MAP2K5: variants seen among roughly 807,000 people sequenced by gnomAD.
The protein encoded by MAP2K5 is mitogen-activated protein kinase kinase 5.
A neutral mutation model predicts 83.1 loss-of-function variants in MAP2K5; 49 were observed. The observed-to-expected ratio is 0.59, with a 90% confidence interval of 0.47 to 0.75. The LOEUF is 0.75. Among genes scored for constraint, MAP2K5 ranks in the 30% least tolerant of loss-of-function variants. The pLI, the probability that MAP2K5 is intolerant of heterozygous loss-of-function variation, is 0.00. For synonymous variants in MAP2K5, 202 were observed against 191.8 expected, an observed-to-expected ratio of 1.05 and a Z score of -0.44; for missense variants, 457 against 557.5, an observed-to-expected ratio of 0.82 and a Z score of 1.82.
In MAP2K5 at chr15:67,738,725, T is replaced by G. The variant is rs1000538493; in HGVS notation, c.1075-9506T>G. On this transcript the variant is annotated intron_variant, in intron 17 of 21. Transcript: ENST00000178640. This position sits in a 1 kb window ranked among gnomAD's most constrained non-coding sequence, Gnocchi z 4.1. Reference sequence around the variant, plus strand: ...CACACAACCACACGAGCAGCTCTGCTTCTATCTGGTAATTTTTAAATGCAT... The same window carrying G: ...CACACAACCACACGAGCAGCTCTGCGTCTATCTGGTAATTTTTAAATGCAT... 6.6e-6 allele frequency among the ~76,000 whole-genome samples: 1 copy of G among 152,196 alleles called. No individual in the cohort carries two copies. Among genetic ancestry groups the G allele is most frequent in the Non-Finnish European group, 1.5e-5 (1 of 68,020 alleles).
intron 16 of MAP2K5, among the ~76,000 whole-genome samples, chr15:67,712,184 C>G (rs2088706929): frequency 6.6e-6 from 1 of 152,182 alleles, no homozygotes; most frequent in South Asian, 2.1e-4. Context: ...CTAGGACACT[C>G]GTGATTACTT....
intron 8 of MAP2K5, among the ~76,000 whole-genome samples, chr15:67,609,523 CTG>C (rs1178552842): frequency 0.069 from 8,226 of 118,494 alleles, 2,699 homozygotes; most frequent in Non-Finnish European, 0.093. Flanking sequence ...TTCTATAGGT[CTG>C]TAGATTCTGT....
Position 67,586,931 on chromosome 15 carries a change from A to G in MAP2K5, c.431+18A>G. On this transcript the variant is annotated intron_variant, in intron 6 of 21. Coordinates refer to ENST00000178640, the MANE Select transcript of MAP2K5 (RefSeq NM_145160.3). Reference sequence around the variant, plus strand: ...AGCAATAGGTGCGAGCGAGCAAGTAAAGTGTGCCCTTGATGTGATTTATCT... The same window carrying G: ...AGCAATAGGTGCGAGCGAGCAAGTAGAGTGTGCCCTTGATGTGATTTATCT... 3 of 1,613,798 alleles carry G rather than the reference A, an allele frequency of 1.9e-6. No homozygotes were observed. The highest frequency in any genetic ancestry group is 2.5e-6 in the Non-Finnish European group (3 of 1,179,696).
In MAP2K5 at chr15:67,628,083, G is replaced by A. The variant is rs2086368299; in HGVS notation, c.546-2805G>A. 4 of 750,716 alleles carry A rather than the reference G, an allele frequency of 5.3e-6. No individual in the cohort carries two copies. In the South Asian group the frequency reaches 5.4e-5, roughly 10 times the overall value. The allele number at this position is 750,716 out of a possible 1,614,324, so 46.5% of individuals were successfully genotyped here. ...AGCCATGAATGCAAGGCCACGCAAG[G>A]TGGACGGAAGAGCTGTGGGAACAAA... On this transcript the variant is annotated intron_variant, in intron 8 of 21. Coordinates refer to ENST00000178640, the MANE Select transcript of MAP2K5 (RefSeq NM_145160.3).
chr15:67,620,610 A>G (rs2086159551), intron 8 of MAP2K5, among the ~76,000 whole-genome samples: 1 of 152,226 alleles, frequency 6.6e-6, no homozygotes, highest in South Asian at 2.1e-4. Context: ...AATGGTGACC[A>G]TTTAAGTAAA....
At chr15:67,546,550 C>G (rs1369676951) in intron 1 of MAP2K5, 1 of 983,162 alleles carries the variant, frequency 1.0e-6, no homozygotes, top group Non-Finnish European at 1.2e-6. Context: ...TCATCAGGGA[C>G]TGGCTGAACT....
Position 67,631,811 on chromosome 15 carries a change from T to C in MAP2K5, c.585+884T>C, listed in dbSNP as rs1459510386. 3.3e-5 allele frequency among the ~76,000 whole-genome samples: 5 copies of C among 152,322 alleles called. No homozygotes were observed. The East Asian group carries it at 9.7e-4, about 29-fold the overall frequency. On this transcript the variant is annotated intron_variant, in intron 9 of 21. Transcript: ENST00000178640. ...TTTCCTTAATGGACTCTGTCTTGAATTGCGCTTCTGACTGAACCCTTTGCT... is the reference window on the plus strand; with the variant it reads ...TTTCCTTAATGGACTCTGTCTTGAACTGCGCTTCTGACTGAACCCTTTGCT...
chr15:67,792,584 T>A (rs2090537202), intron 21 of MAP2K5, among the ~76,000 whole-genome samples: 1 of 152,176 alleles, frequency 6.6e-6, no homozygotes, highest in South Asian at 2.1e-4. Flanking sequence ...CTACCTGACC[T>A]TGCAACTACA....
At chr15:67,773,244 T>G (rs1264443362) in intron 21 of MAP2K5, among the ~76,000 whole-genome samples, 1 of 152,160 alleles carries the variant, frequency 6.6e-6, no homozygotes, top group Non-Finnish European at 1.5e-5. Flanking sequence ...TGCTGTGTTC[T>G]CAGCTCCAAG....
chr15:67,625,869 T>C (rs555918329), intron 8 of MAP2K5, among the ~76,000 whole-genome samples: 1 of 152,196 alleles, frequency 6.6e-6, no homozygotes, highest in South Asian at 2.1e-4. Context: ...GACACCTTTC[T>C]TTTAGAAAAG....
At chr15:67,705,225 A>G (rs371027853) in intron 16 of MAP2K5, among the ~76,000 whole-genome samples, 1 of 152,202 alleles carries the variant, frequency 6.6e-6, no homozygotes, top group Non-Finnish European at 1.5e-5. Context: ...AATGTTCACT[A>G]TTCATCCTTT....
At chr15:67,675,850 C>G (rs1389740475) in intron 13 of MAP2K5, among the ~76,000 whole-genome samples, 3 of 152,056 alleles carry the variant, frequency 2.0e-5, no homozygotes, top group Non-Finnish European at 4.4e-5. Flanking sequence ...TTTAGGAAAT[C>G]AGTAAGAGGG....
chr15:67,568,456 T>C (rs928717397), intron 3 of MAP2K5, among the ~76,000 whole-genome samples: 5 of 152,222 alleles, frequency 3.3e-5, no homozygotes, highest in Non-Finnish European at 7.3e-5. Context: ...TTCAACTCTT[T>C]CATTTTACAA....
At chr15:67,627,585 A>G (rs948606834) in intron 8 of MAP2K5, among the ~76,000 whole-genome samples, 1 of 152,212 alleles carries the variant, frequency 6.6e-6, no homozygotes, top group African/African-American at 2.4e-5. Context: ...TGAATTTGTA[A>G]CATTTTACTT....
At chr15:67,701,841 C>G (rs2088427571) in intron 15 of MAP2K5, among the ~76,000 whole-genome samples, 1 of 152,172 alleles carries the variant, frequency 6.6e-6, no homozygotes, top group African/African-American at 2.4e-5. Context: ...CTGTGCTTGG[C>G]TCTTCTGACT....
chr15:67,606,968 T>TAA (rs973930579), intron 8 of MAP2K5, among the ~76,000 whole-genome samples: 2 of 152,160 alleles, frequency 1.3e-5, no homozygotes, highest in African/African-American at 4.8e-5. Context: ...GTGTGAAACT[T>TAA]AAAGAGGGAG....
intron 21 of MAP2K5, among the ~76,000 whole-genome samples, chr15:67,787,864 C>G (rs1034983788): frequency 6.6e-6 from 1 of 152,154 alleles, no homozygotes; most frequent in Non-Finnish European, 1.5e-5. Flanking sequence ...GTTTACTAAT[C>G]AACATTTTAA....
intron 8 of MAP2K5, among the ~76,000 whole-genome samples, chr15:67,601,159 CA>C (rs553354474): frequency 2.0e-4 from 30 of 152,280 alleles, no homozygotes; most frequent in African/African-American, 7.2e-4. Context: ...TGCCCTGTGT[CA>C]ACACTATAAG....
rs1021746219 is a variant in MAP2K5 at position 67,760,976 on chromosome 15, A to C, written c.1135-8626A>C. Among the ~76,000 whole-genome samples the C allele has an allele frequency of 1.3e-5, 2 of 152,118 alleles. No individual in the cohort carries two copies. Among genetic ancestry groups the C allele is most frequent in the Non-Finnish European group, 1.5e-5 (1 of 68,010 alleles). On this transcript the variant is annotated intron_variant, in intron 19 of 21. Transcript: ENST00000178640. This position sits in a 1 kb window ranked among gnomAD's most constrained non-coding sequence, Gnocchi z 4.1. ...GCCGGCTGTTAATTTTCTCTAAACC[A>C]GGGAAAATGTGTATGTGAGCAGTAC...
Sources: allele counts gnomAD v4.1 joint callset (sites outside exome capture counted in the v4.1 genomes callset), GRCh38; gene constraint gnomAD v4.1.1; non-coding constraint Gnocchi (gnomAD v3.1); transcripts MANE v1.5; gene names NCBI Gene and HGNC (gene_info 2026-07-23, HGNC 2026-07-21).